Variants in ABCC1 observed in about 807,000 individuals in gnomAD.
ABCC1 encodes ATP binding cassette subfamily C member 1 (ABCC1 blood group).
In ABCC1, 83 loss-of-function variants were observed where a neutral mutation model predicts 172.9. The ratio of observed to expected loss-of-function variants is 0.48; its 90% CI spans 0.40 to 0.58. The LOEUF (loss-of-function observed/expected upper bound fraction) is 0.58, where lower values mean the gene tolerates loss of function less well. Among genes scored for constraint, ABCC1 ranks in the 20% least tolerant of loss-of-function variants. The probability of loss-of-function intolerance (pLI) is 0.00; values close to 1 mark genes in which losing one functional copy is unlikely to be tolerated. For synonymous variants in ABCC1, 937 were observed against 825.2 expected (o/e 1.14, Z -2.32); for missense variants, 1,817 against 2,002.7 (o/e 0.91, Z 1.77).
At chr16:16,007,146 CTG>C (rs1377389549) in intron 1 of ABCC1, among the ~76,000 whole-genome samples, 1 of 151,542 alleles carries the variant, frequency 6.6e-6, no homozygotes, top group Non-Finnish European at 1.5e-5. Context: ...GTTCTGGGGA[CTG>C]TTAATGTGAG....
At chr16:16,008,630 A>G (rs2047649385) in intron 2 of ABCC1, among the ~76,000 whole-genome samples, 1 of 151,796 alleles carries the variant, frequency 6.6e-6, no homozygotes, top group Admixed American at 6.6e-5. Flanking sequence ...CAAGGCGGGC[A>G]GGTCAGGAGT....
chr16:16,051,552 A>C (rs892762489), intron 10 of ABCC1, among the ~76,000 whole-genome samples: 1 of 152,138 alleles, frequency 6.6e-6, no homozygotes, highest in Non-Finnish European at 1.5e-5. Flanking sequence ...AGCCAGGTGC[A>C]GGCTTCCAGG....
intron 26 of ABCC1, among the ~76,000 whole-genome samples, chr16:16,129,611 C>T (rs1281799736): frequency 6.7e-6 from 1 of 149,958 alleles, no homozygotes; most frequent in East Asian, 2.0e-4. Context: ...TATCTTGGCT[C>T]ACTGCAACCT....
chr16:16,113,904 C>T (rs962883598), intron 22 of ABCC1, among the ~76,000 whole-genome samples: 5 of 152,100 alleles, frequency 3.3e-5, no homozygotes, highest in Admixed American at 1.3e-4. Context: ...CTTGCATGCA[C>T]GGTTCACAAT....
chr16:16,069,242 T>C (rs1308273637), intron 13 of ABCC1, among the ~76,000 whole-genome samples: 4 of 151,548 alleles, frequency 2.6e-5, no homozygotes, highest in Non-Finnish European at 2.9e-5. Flanking sequence ...GGCATGGTGG[T>C]GTGCCCCTGT....
chr16:16,090,919 A>G (rs1596483811), intron 19 of ABCC1, among the ~76,000 whole-genome samples: 1 of 152,048 alleles, frequency 6.6e-6, no homozygotes, highest in Non-Finnish European at 1.5e-5. Flanking sequence ...AATGGGAATG[A>G]TGGTAATTAA....
chr16:16,041,816 G>A (rs1416759050), intron 7 of ABCC1, among the ~76,000 whole-genome samples: 1 of 152,102 alleles, frequency 6.6e-6, no homozygotes, highest in East Asian at 1.9e-4. Context: ...GTCAGGTGTG[G>A]CTGGGCATGG....
Position 16,068,237 on chromosome 16 carries a change from G to A in ABCC1, c.1759G>A (p.Ala587Thr). The change falls in exon 13 of 31, where the codon GCC (alanine) becomes ACC (threonine). Residue 587 changes from alanine (A) to threonine (T), a missense_variant. Ala to Thr is a moderately conservative substitution (Grantham distance 58, BLOSUM62 0). Coordinates refer to ENST00000399410, the MANE Select transcript of ABCC1 (RefSeq NM_004996.4). ...LDAQTAFVSL[A>T]LFNILRFPLN... ...TGCCCAGACAGCCTTCGTGTCTTTG[G>A]CCTTGTTCAACATCCTCCGGTTTCC... is the stretch of plus-strand genomic sequence containing the variant. The A allele has an allele frequency of 5.6e-6, 9 of 1,614,110 alleles. No individual in the cohort carries two copies. The highest frequency in any genetic ancestry group is 6.8e-6 in the Non-Finnish European group (8 of 1,180,028).
chr16:16,107,285 C>CT (rs1567412814), intron 21 of ABCC1, among the ~76,000 whole-genome samples: 1 of 152,112 alleles, frequency 6.6e-6, no homozygotes, highest in Admixed American at 6.6e-5. Context: ...TGTTTCATTT[C>CT]TTTTTTTAAT....
chr16:16,125,707 T>C, intron 25 of ABCC1, 103 bp from the exon 26 acceptor site: 1 of 769,980 alleles, frequency 1.3e-6, no homozygotes. Flanking sequence ...TTCATACTTG[T>C]TGAAAATAAT....
chr16:16,027,175 C>A (rs1260129722), intron 5 of ABCC1, among the ~76,000 whole-genome samples: 1 of 152,088 alleles, frequency 6.6e-6, no homozygotes, highest in African/African-American at 2.4e-5. Flanking sequence ...TGTTTTCACC[C>A]CTTAATCACT....
intron 1 of ABCC1, among the ~76,000 whole-genome samples, chr16:15,960,557 C>T (rs550594546): frequency 2.6e-5 from 4 of 152,012 alleles, no homozygotes; most frequent in East Asian, 1.9e-4. Flanking sequence ...CTGAGGGTGA[C>T]GGAAATGATT....
At chr16:16,013,632 A>G (rs1053159309) in intron 3 of ABCC1, among the ~76,000 whole-genome samples, 11 of 152,104 alleles carry the variant, frequency 7.2e-5, no homozygotes, top group African/African-American at 2.7e-4. Context: ...CTGTGCAAAC[A>G]GACATTAAAC....
At chr16:16,038,267 C>G (rs1432035932) in intron 7 of ABCC1, among the ~76,000 whole-genome samples, 1 of 152,132 alleles carries the variant, frequency 6.6e-6, no homozygotes, top group Non-Finnish European at 1.5e-5. Flanking sequence ...AGAAGTCCCA[C>G]CCTAGGTCAT....
chr16:15,988,462 C>A (rs1431828954), intron 1 of ABCC1, among the ~76,000 whole-genome samples: 4 of 152,168 alleles, frequency 2.6e-5, no homozygotes, highest in Non-Finnish European at 5.9e-5. Flanking sequence ...AGACATATCC[C>A]TATGCCCAGC....
At chr16:16,073,064 T>A (rs927346282) in intron 14 of ABCC1, among the ~76,000 whole-genome samples, 2 of 149,478 alleles carry the variant, frequency 1.3e-5, no homozygotes, top group Non-Finnish European at 3.0e-5. Flanking sequence ...AAAATAATAA[T>A]AATAAATATT....
Position 16,044,627 on chromosome 16 carries a change from C to G in ABCC1, c.987C>G (p.Phe329Leu). The G allele has an allele frequency of 6.2e-7, 1 of 1,614,160 alleles. No homozygotes were observed. The highest frequency in any genetic ancestry group is 8.5e-7 in the Non-Finnish European group (1 of 1,180,028). The change falls in exon 8 of 31, where the codon TTC becomes TTG. Residue 329 changes from phenylalanine (F) to leucine (L), a missense_variant. Transcript: ENST00000399410. The stretch of plus-strand genomic sequence containing the variant: ...TTGGGCCCTACTTCCTCATGAGCTT[C>G]TTCTTCAAGGCCATCCACGACCTGA... ...KTFGPYFLMS[F>L]FFKAIHDLMM...
chr16:16,061,061 G>T (rs7196112), intron 12 of ABCC1, among the ~76,000 whole-genome samples: 27,519 of 151,900 alleles, frequency 0.18, 4,179 homozygotes, highest in African/African-American at 0.42. Flanking sequence ...GTAGCTGGGA[G>T]TACAGGCGCA....
At chr16:16,100,882 A>G (rs542167648) in intron 19 of ABCC1, among the ~76,000 whole-genome samples, 51 of 152,278 alleles carry the variant, frequency 3.3e-4, no homozygotes, top group African/African-American at 1.2e-3. Context: ...GAAGTGAGAG[A>G]ACACTTCCCA....
Sources: allele counts gnomAD v4.1 joint callset (sites outside exome capture counted in the v4.1 genomes callset), GRCh38; gene constraint gnomAD v4.1.1; transcripts MANE v1.5; gene names NCBI Gene and HGNC (gene_info 2026-07-23, HGNC 2026-07-21).